The following PDLIM1 variants were observed in gnomAD, a reference collection of about 807,000 sequenced individuals.
The protein encoded by PDLIM1 is PDZ and LIM domain protein 1.
In PDLIM1, 25 loss-of-function variants were observed where a neutral mutation model predicts 35.2. That is an observed-to-expected ratio of 0.71 (90% CI 0.52 to 0.99). The LOEUF (loss-of-function observed/expected upper bound fraction) is 0.99, where lower values mean the gene tolerates loss of function less well. Ranked by LOEUF, PDLIM1 falls within the 50% of genes least tolerant of loss-of-function variation. PDLIM1 has a pLI of 0.00. For synonymous variants in PDLIM1, 152 were observed against 154.0 expected, an observed-to-expected ratio of 0.99 and a Z score of 0.10; for missense variants, 363 against 415.3, an observed-to-expected ratio of 0.87 and a Z score of 1.09.
chr10:95,270,532 C>T (rs956324023), intron 2 of PDLIM1, among the ~76,000 whole-genome samples: 32 of 152,130 alleles, frequency 2.1e-4, no homozygotes. Flanking sequence ...TGCGGGACCC[C>T]TTCCAAGGCT....
At chr10:95,248,070 T>C (rs1304378830) in intron 4 of PDLIM1, among the ~76,000 whole-genome samples, 2 of 152,198 alleles carry the variant, frequency 1.3e-5, no homozygotes, top group Non-Finnish European at 2.9e-5. Context: ...AGCCTGCCTC[T>C]TTCCCTGAGG....
At chr10:95,257,722 G>A (rs1230609061) in intron 4 of PDLIM1, among the ~76,000 whole-genome samples, 7 of 152,182 alleles carry the variant, frequency 4.6e-5, no homozygotes, top group Non-Finnish European at 1.0e-4. Flanking sequence ...TGGTGCAGCT[G>A]CTGTGGAAAA....
intron 1 of PDLIM1, among the ~76,000 whole-genome samples, chr10:95,277,751 G>A (rs929541995): frequency 6.6e-6 from 1 of 151,908 alleles, no homozygotes; most frequent in African/African-American, 2.4e-5. Flanking sequence ...CTCACTCTTC[G>A]TCCCCACCAG....
In PDLIM1 at chr10:95,290,441, C is replaced by T. The variant is rs1430153417; in HGVS notation, c.96+379G>A. Among the ~76,000 whole-genome samples the T allele has an allele frequency of 6.6e-6, 1 of 151,662 alleles. No individual in the cohort carries two copies. The highest frequency in any genetic ancestry group is 2.4e-5 in the African/African-American group (1 of 41,284). On this transcript the variant is annotated intron_variant, in intron 1 of 6. Transcript: ENST00000329399. The surrounding 1 kb of genome is among the most constrained non-coding windows in gnomAD (Gnocchi z 4.7). ...GTCTTTCCTGTTGCGTTCGGCTGCACTGCGATCTGGGAAGAAGGGAGAAGT... is the reference window on the plus strand; with the variant it reads ...GTCTTTCCTGTTGCGTTCGGCTGCATTGCGATCTGGGAAGAAGGGAGAAGT...
chr10:95,259,578 T>C (rs113200969), intron 4 of PDLIM1, among the ~76,000 whole-genome samples: 24 of 152,244 alleles, frequency 1.6e-4, no homozygotes, highest in African/African-American at 5.3e-4. Context: ...GAGGGGTAAT[T>C]GTGGGCACCA....
At chr10:95,262,840 C>T (rs1490678362) in intron 4 of PDLIM1, among the ~76,000 whole-genome samples, 1 of 152,162 alleles carries the variant, frequency 6.6e-6, no homozygotes, top group Non-Finnish European at 1.5e-5. Flanking sequence ...TGGCAAGATC[C>T]AGGAGACTCC....
At chr10:95,245,766 C>A (rs970155249) in intron 5 of PDLIM1, among the ~76,000 whole-genome samples, 15 of 152,182 alleles carry the variant, frequency 9.9e-5, no homozygotes, top group African/African-American at 3.6e-4. Flanking sequence ...ACACATGGCC[C>A]ATGGTTTCCT....
intron 1 of PDLIM1, among the ~76,000 whole-genome samples, chr10:95,280,067 A>AAAAACATATTTG (rs1485695577): frequency 5.3e-5 from 8 of 152,148 alleles, no homozygotes; most frequent in Non-Finnish European, 1.0e-4. Context: ...TTTTTAGTAA[A>AAAAACATATTTG]TTTTCTTTTT....
chr10:95,272,170 C>G (rs2035470455), intron 1 of PDLIM1, among the ~76,000 whole-genome samples: 1 of 152,056 alleles, frequency 6.6e-6, no homozygotes, highest in South Asian at 2.1e-4. Flanking sequence ...TCCCACTGAA[C>G]CACGTTTGCT....
chr10:95,242,939 G>A (rs569192855), intron 5 of PDLIM1, among the ~76,000 whole-genome samples: 1 of 152,014 alleles, frequency 6.6e-6, no homozygotes, highest in African/African-American at 2.4e-5. Context: ...CCAGCTCAAT[G>A]AGGTCGGGCT....
intron 2 of PDLIM1, 95 bp downstream of exon 2, chr10:95,271,535 TAGG>T: frequency 3.0e-6 from 3 of 1,007,660 alleles, no homozygotes; most frequent in Non-Finnish European, 4.4e-6. Flanking sequence ...GGCACTGAGC[TAGG>T]AGGTCTGGGG....
chr10:95,273,915 G>A (rs187934211), intron 1 of PDLIM1, among the ~76,000 whole-genome samples: 219 of 152,230 alleles, frequency 1.4e-3, no homozygotes, highest in African/African-American at 5.0e-3. Context: ...GTTTTTAAAC[G>A]GCTCTAAGCA....
intron 5 of PDLIM1, among the ~76,000 whole-genome samples, chr10:95,243,440 T>C (rs1482292050): frequency 6.6e-6 from 1 of 152,208 alleles, no homozygotes. Context: ...ACAGCTGTTT[T>C]TCTGTCCACT....
intron 1 of PDLIM1, among the ~76,000 whole-genome samples, chr10:95,275,107 C>T (rs760066197): frequency 3.3e-5 from 5 of 152,128 alleles, no homozygotes; most frequent in African/African-American, 9.7e-5. Context: ...TGGCCTTTTG[C>T]GATGTCCTTT....
chr10:95,253,098 C>G (rs779028658), intron 4 of PDLIM1, among the ~76,000 whole-genome samples: 1 of 151,960 alleles, frequency 6.6e-6, no homozygotes, highest in Non-Finnish European at 1.5e-5. Context: ...CTGAAAACTA[C>G]AACAAAGAAA....
chr10:95,265,299 A>G (rs1480317331), intron 3 of PDLIM1, among the ~76,000 whole-genome samples: 1 of 152,212 alleles, frequency 6.6e-6, no homozygotes, highest in African/African-American at 2.4e-5. Flanking sequence ...TTTATGTTTA[A>G]GACTTCTCTT....
chr10:95,238,780 C>A, intron 5 of PDLIM1, 95 bp from the exon 6 acceptor site: 1 of 777,398 alleles, frequency 1.3e-6, no homozygotes, highest in Non-Finnish European at 2.3e-6. Context: ...TATGTTCAAG[C>A]AAGGCCATGG....
At chr10:95,256,877 A>G (rs1406800178) in intron 4 of PDLIM1, among the ~76,000 whole-genome samples, 3 of 151,952 alleles carry the variant, frequency 2.0e-5, no homozygotes, top group Non-Finnish European at 4.4e-5. Flanking sequence ...CAGGAGGCTA[A>G]GACCAAAGAA....
chr10:95,289,791 T>C (rs1369925518), intron 1 of PDLIM1, among the ~76,000 whole-genome samples: 1 of 152,268 alleles, frequency 6.6e-6, no homozygotes, highest in Admixed American at 6.5e-5. Flanking sequence ...ATGTGCCGCC[T>C]ACAGGCAAGG....
Sources: gnomAD v4.1 joint callset for allele counts (sites outside exome capture counted in the v4.1 genomes callset) on GRCh38, gnomAD v4.1.1 for gene constraint, Gnocchi (gnomAD v3.1) non-coding constraint, MANE v1.5 for transcripts, NCBI Gene and HGNC (gene_info 2026-07-23, HGNC 2026-07-21) for gene names.